The following LAMB1 variants were observed in gnomAD, a reference collection of about 807,000 sequenced individuals.
LAMB1 encodes laminin subunit beta-1.
Under a neutral mutation model 222.3 loss-of-function variants are expected in LAMB1, and 121 were observed. The observed-to-expected ratio is 0.54, with a 90% CI of 0.47 to 0.63. The LOEUF (loss-of-function observed/expected upper bound fraction) is 0.63, where lower values mean the gene tolerates loss of function less well. LAMB1 is among the 30% of genes least tolerant of loss of function. The pLI is 0.00. For synonymous variants in LAMB1, 794 were observed against 807.2 expected, an observed-to-expected ratio of 0.98 and a Z score of 0.28; for missense variants, 2,172 against 2,240.8, an observed-to-expected ratio of 0.97 and a Z score of 0.62.
Position 107,980,637 on chromosome 7 carries a change from T to A in LAMB1, c.851A>T (p.Asp284Val), listed in dbSNP as rs752130565. The change falls in exon 8 of 34, where the codon GAT becomes GTT. Residue 284 changes from aspartate (D) to valine (V), a missense_variant. Transcript: ENST00000222399. ...YGHASECAPVDGFNEEVEGMV... is the reference protein window; with the variant it reads ...YGHASECAPVVGFNEEVEGMV... Reference sequence around the variant, plus strand: ...TCCTTCCACTTCTTCATTGAATCCATCCACAGGGGCACATTCGCTGGCATG... The same window carrying A: ...TCCTTCCACTTCTTCATTGAATCCAACCACAGGGGCACATTCGCTGGCATG... 6.2e-7 allele frequency: 1 copy of A among 1,613,986 alleles called. No homozygotes were observed. The highest frequency in any genetic ancestry group is 1.3e-5 in the African/African-American group (1 of 74,928).
At chr7:107,952,643 C>T (rs1480521230) in intron 22 of LAMB1, among the ~76,000 whole-genome samples, 1 of 152,192 alleles carries the variant, frequency 6.6e-6, no homozygotes, top group Non-Finnish European at 1.5e-5. Flanking sequence ...CTTTAAGCTA[C>T]TAAGGCTTTT....
chr7:107,998,692 T>A (rs1202014836), intron 3 of LAMB1, among the ~76,000 whole-genome samples, 200 bp from the exon 4 acceptor site: 1 of 152,164 alleles, frequency 6.6e-6, no homozygotes, highest in African/African-American at 2.4e-5. Context: ...TGAAAATAAT[T>A]TCCTCCTTCC....
Position 107,935,442 on chromosome 7 carries a change from G to A in LAMB1, c.4161C>T (p.Ser1387=), listed in dbSNP as rs1276718781. 34 of 1,606,044 alleles carry A rather than the reference G, an allele frequency of 2.1e-5. No individual in the cohort carries two copies. Among genetic ancestry groups the A allele is most frequent in the Non-Finnish European group, 2.7e-5 (32 of 1,176,978 alleles). The change falls in exon 27 of 34, where the codon AGC becomes AGT. Residue 1387 remains serine, a synonymous_variant. Transcript: ENST00000222399. ...TTTCGGCAGCGGCTGAAAGGTCTAG[G>A]CTTTGTAGCTTGCCTGCCAGTTCAT... The part of the protein sequence containing the change: ...LLDELAGKLQ[S]LDLSAAAEMT...
intron 12 of LAMB1, 47 bp downstream of exon 12, chr7:107,974,939 T>C (rs1213198106): frequency 5.6e-6 from 6 of 1,076,848 alleles, no homozygotes; most frequent in African/African-American, 4.6e-5. Flanking sequence ...TATTAAAACA[T>C]GTCATCCTCA....
At position 107,986,233 on chromosome 7, in the gene LAMB1, A is replaced by C. The variant is rs755045579; in HGVS notation, c.554T>G (p.Val185Gly). The C allele has an allele frequency of 1.9e-6, 3 of 1,614,108 alleles. No individual in the cohort carries two copies. The highest frequency in any genetic ancestry group is 2.5e-6 in the Non-Finnish European group (3 of 1,180,006). ...PGISTGPMKKVDDIICDSRYS... is the reference protein window; with the variant it reads ...PGISTGPMKKGDDIICDSRYS... The stretch of plus-strand genomic sequence containing the variant: ...TCGAGAATCACAAATTATGTCATCG[A>C]CTTTTTTCATGGGGCCAGTTGAAAT... Residue 185 changes from valine (V) to glycine (G), a missense_variant, in exon 6 of 34, where the codon GTC becomes GGC. Val to Gly is a moderately radical substitution (Grantham distance 109, BLOSUM62 -3). Transcript: ENST00000222399.
At position 108,002,018 on chromosome 7, in the gene LAMB1, G is replaced by C. The variant is rs1416105508; in HGVS notation, c.38-285C>G. Reference sequence around the variant, plus strand: ...ACCCACCGACGCTCGCGCCCACCCTGATCAGCCCCGGGGAGCAGCTCCCCC... The same window carrying C: ...ACCCACCGACGCTCGCGCCCACCCTCATCAGCCCCGGGGAGCAGCTCCCCC... On this transcript the variant is annotated intron_variant, in intron 2 of 33. Transcript: ENST00000222399. 4.8e-5 allele frequency: 69 copies of C among 1,445,864 alleles called. No homozygotes were observed. The South Asian group carries it at 9.3e-4, about 20-fold the overall frequency. 89.6% of individuals were successfully genotyped at this position (1,445,864 alleles called of 1,614,324 possible).
At chr7:107,982,294 T>C (rs1275368945) in intron 7 of LAMB1, among the ~76,000 whole-genome samples, 2 of 152,260 alleles carry the variant, frequency 1.3e-5, no homozygotes, top group Non-Finnish European at 2.9e-5. Context: ...GGTTCTTTAC[T>C]GTCATTTATG....
chr7:107,985,983 AAACT>A (rs751299331), intron 7 of LAMB1, 35 bp downstream of exon 7: 32 of 1,475,822 alleles, frequency 2.2e-5, no homozygotes, highest in Admixed American at 3.4e-5. Context: ...ACAAACAAAC[AAACT>A]AACAAAAAAC....
intron 29 of LAMB1, chr7:107,929,906 T>C: frequency 2.3e-6 from 1 of 431,984 alleles, no homozygotes; most frequent in Non-Finnish European, 4.2e-6. Flanking sequence ...TTTTAAGGGA[T>C]AATAGAATTT....
intron 14 of LAMB1, 117 bp from the exon 15 acceptor site, chr7:107,963,180 A>G: frequency 8.9e-6 from 8 of 899,424 alleles, no homozygotes; most frequent in Non-Finnish European, 1.2e-5. Flanking sequence ...CCTTATGTCT[A>G]TTTTTTATAG....
intron 3 of LAMB1, chr7:108,000,001 A>G (rs541737477): frequency 1.3e-5 from 2 of 152,258 alleles, no homozygotes; most frequent in Non-Finnish European, 2.9e-5. Context: ...CTTTTAATAC[A>G]AACAGTGTGA....
chr7:107,990,075 G>T (rs1424517157), intron 5 of LAMB1, among the ~76,000 whole-genome samples: 3 of 151,242 alleles, frequency 2.0e-5, no homozygotes, highest in African/African-American at 7.3e-5. Context: ...GTCTTGCTCT[G>T]TTGCCCAGGC....
rs868580321 is a variant in LAMB1 at position 107,989,158 on chromosome 7, T to C, written c.424-2795A>G. 3.3e-5 allele frequency among the ~76,000 whole-genome samples: 5 copies of C among 151,640 alleles called. No homozygotes were observed. The South Asian group carries it at 6.3e-4, about 19-fold the overall frequency. Reference sequence around the variant, plus strand: ...TTCTGAAACCAAGGCAGGAGGGAGATTTAGGAGGGTGTAGTGAACAGGGTC... The same window carrying C: ...TTCTGAAACCAAGGCAGGAGGGAGACTTAGGAGGGTGTAGTGAACAGGGTC... On this transcript the variant is annotated intron_variant, in intron 5 of 33. Coordinates refer to ENST00000222399, the MANE Select transcript of LAMB1 (RefSeq NM_002291.3).
intron 21 of LAMB1, among the ~76,000 whole-genome samples, chr7:107,954,046 C>A (rs1222035312): frequency 6.6e-6 from 1 of 152,146 alleles, no homozygotes; most frequent in Admixed American, 6.5e-5. Flanking sequence ...CGGCTGTGGA[C>A]AGTTAGGTCC....
chr7:108,001,760 G>A, intron 2 of LAMB1, 27 bp from the exon 3 acceptor site: 4 of 1,610,496 alleles, frequency 2.5e-6, no homozygotes, highest in Middle Eastern at 1.7e-4. Context: ...CAACAGAGTT[G>A]GGGGGACACA....
intron 22 of LAMB1, among the ~76,000 whole-genome samples, chr7:107,953,125 G>A (rs1472172630): frequency 6.6e-6 from 1 of 152,178 alleles, no homozygotes; most frequent in African/African-American, 2.4e-5. Context: ...GGAAGGCCGA[G>A]GCGGGTGGAT....
rs755635852 is a variant in LAMB1 at position 107,975,833 on chromosome 7, C to A, written c.1045G>T (p.Ala349Ser). Residue 349 changes from alanine to serine, a missense_variant, in exon 10 of 34, where the codon GCT becomes TCT. By Grantham distance (99) the Ala-to-Ser change is moderately conservative. Coordinates refer to ENST00000222399, the MANE Select transcript of LAMB1 (RefSeq NM_002291.3). ...EHSISCHFDMAVYLATGNVSG... is the reference protein window; with the variant it reads ...EHSISCHFDMSVYLATGNVSG... ...ACGTTCCCCGTGGCCAGGTAAACAG[C>A]CATGTCAAAGTGACAAGAGATGGAA... 3 of 1,613,846 alleles carry A rather than the reference C, an allele frequency of 1.9e-6. No individual in the cohort carries two copies. The highest frequency in any genetic ancestry group is 2.7e-5 in the African/African-American group (2 of 74,888).
At chr7:107,988,256 G>C (rs1440470547) in intron 5 of LAMB1, among the ~76,000 whole-genome samples, 1 of 152,206 alleles carries the variant, frequency 6.6e-6, no homozygotes, top group Admixed American at 6.5e-5. Context: ...TGACGACAAC[G>C]TGGAAGAGGC....
chr7:107,982,665 GTGGAAACCC>G (rs2033996307), intron 7 of LAMB1, among the ~76,000 whole-genome samples: 1 of 152,078 alleles, frequency 6.6e-6, no homozygotes, highest in Non-Finnish European at 1.5e-5. Flanking sequence ...ACTGACCTTT[GTGGAAACCC>G]CTCAGTAGAG....
Sources: gnomAD v4.1 joint callset for allele counts (sites outside exome capture counted in the v4.1 genomes callset) on GRCh38, gnomAD v4.1.1 for gene constraint, MANE v1.5 for transcripts, NCBI Gene and HGNC (gene_info 2026-07-23, HGNC 2026-07-21) for gene names.